SLC39A11: variants seen among roughly 807,000 people sequenced by gnomAD.
SLC39A11 encodes the protein solute carrier family 39 member 11, also known as zinc transporter ZIP11.
SLC39A11 carries 33 observed loss-of-function variants against 36.1 expected under a neutral mutation model. The ratio of observed to expected loss-of-function variants is 0.91; its 90% confidence interval spans 0.69 to 1.22. The LOEUF is 1.22. SLC39A11 is among the 50% of genes most tolerant of loss of function. SLC39A11 has a pLI of 0.00. For synonymous variants in SLC39A11, 166 were observed against 170.3 expected (o/e 0.97, Z 0.20); for missense variants, 432 against 430.3 (o/e 1.00, Z -0.03).
At chr17:72,845,397 A>G (rs991418132) in intron 6 of SLC39A11, among the ~76,000 whole-genome samples, 10 of 152,284 alleles carry the variant, frequency 6.6e-5, no homozygotes, top group African/African-American at 2.2e-4. Context: ...CTCCTGCCTC[A>G]GGGCCTTTGC....
At chr17:72,693,941 G>T (rs994168127) in intron 7 of SLC39A11, among the ~76,000 whole-genome samples, 1 of 152,090 alleles carries the variant, frequency 6.6e-6, no homozygotes, top group African/African-American at 2.4e-5. Flanking sequence ...GGACCACAGG[G>T]GTGAGCCACC....
At chr17:72,693,982 G>A (rs1014091089) in intron 7 of SLC39A11, among the ~76,000 whole-genome samples, 1 of 152,038 alleles carries the variant, frequency 6.6e-6, no homozygotes, top group Non-Finnish European at 1.5e-5. Context: ...TATAGAAAAA[G>A]CACCCACCTC....
chr17:72,729,451 A>AT (rs2074119588), intron 7 of SLC39A11, among the ~76,000 whole-genome samples: 2 of 6,450 alleles, frequency 3.1e-4, no homozygotes, highest in African/African-American at 4.7e-4. Flanking sequence ...ATATATATAT[A>AT]TATATATTTT....
intron 7 of SLC39A11, among the ~76,000 whole-genome samples, chr17:72,722,071 T>C (rs2073704912): frequency 1.8e-5 from 2 of 108,572 alleles, no homozygotes; most frequent in Non-Finnish European, 4.0e-5. Context: ...TTCCATGAAG[T>C]AGCCAAAGAA....
In SLC39A11 at chr17:72,930,943, G is replaced by A. The variant is rs117698233; in HGVS notation, c.430+16809C>T. Among the ~76,000 whole-genome samples, 1,220 of 152,264 alleles carry A rather than the reference G, an allele frequency of 8.0e-3. 10 individuals carry two copies. The highest frequency in any genetic ancestry group is 0.011 in the Non-Finnish European group (754 of 68,022). ...GTCTCCATACAAAGAAAGAAGACAG[G>A]GCCCCAGAAGAGCTCTTCCAATTCC... On this transcript the variant is annotated intron_variant, in intron 5 of 9. Coordinates refer to ENST00000255559, the MANE Select transcript of SLC39A11 (RefSeq NM_139177.4).
chr17:72,769,608 G>A (rs772900917), intron 6 of SLC39A11, among the ~76,000 whole-genome samples: 11 of 151,434 alleles, frequency 7.3e-5, no homozygotes, highest in Non-Finnish European at 1.2e-4. Context: ...GGAGTGGCCC[G>A]ATCTCGGCTC....
chr17:72,846,327 G>GTT (rs2079054295), intron 6 of SLC39A11, among the ~76,000 whole-genome samples: 1 of 152,048 alleles, frequency 6.6e-6, no homozygotes, highest in South Asian at 2.1e-4. Flanking sequence ...ACTGCACCTG[G>GTT]CCTCAATCCT....
At chr17:72,985,393 T>C (rs992875600) in intron 4 of SLC39A11, among the ~76,000 whole-genome samples, 2 of 144,508 alleles carry the variant, frequency 1.4e-5, no homozygotes, top group African/African-American at 5.1e-5. Flanking sequence ...CTTCTTTATT[T>C]GCATGGGGCC....
intron 6 of SLC39A11, among the ~76,000 whole-genome samples, chr17:72,848,726 A>AAAG (rs2079163400): frequency 6.6e-6 from 1 of 152,084 alleles, no homozygotes; most frequent in African/African-American, 2.4e-5. Flanking sequence ...GTCTTAAAAA[A>AAAG]AAAAAAAGAC....
chr17:73,024,864 ATTTT>A (rs1163840820), intron 4 of SLC39A11, among the ~76,000 whole-genome samples: 13 of 97,900 alleles, frequency 1.3e-4, no homozygotes, highest in Admixed American at 6.8e-4. Context: ...TGCCCAGCTA[ATTTT>A]TTTTTTTTTT....
intron 6 of SLC39A11, among the ~76,000 whole-genome samples, chr17:72,818,295 G>A (rs2077649816): frequency 6.6e-6 from 1 of 152,188 alleles, no homozygotes; most frequent in Non-Finnish European, 1.5e-5. Flanking sequence ...CCAGCCTGCT[G>A]AGGTTCTTGT....
chr17:72,924,811 G>A (rs969017073), intron 5 of SLC39A11, among the ~76,000 whole-genome samples: 4 of 152,034 alleles, frequency 2.6e-5, no homozygotes, highest in Admixed American at 2.0e-4. Flanking sequence ...AGACCAGCCT[G>A]GCCAACATAG....
chr17:72,754,683 C>T (rs1035037412), intron 6 of SLC39A11, among the ~76,000 whole-genome samples: 7 of 152,156 alleles, frequency 4.6e-5, no homozygotes, highest in African/African-American at 1.7e-4. Flanking sequence ...GCCGGGGTGA[C>T]ACATGCCAGG....
chr17:72,668,375 T>G (rs2070851466), intron 7 of SLC39A11, among the ~76,000 whole-genome samples: 1 of 151,426 alleles, frequency 6.6e-6, no homozygotes, highest in South Asian at 2.1e-4. Context: ...CCCCAGGAAA[T>G]ATTCCCAAGG....
At chr17:72,709,693 T>C (rs778188409) in intron 7 of SLC39A11, among the ~76,000 whole-genome samples, 1 of 152,252 alleles carries the variant, frequency 6.6e-6, no homozygotes, top group Non-Finnish European at 1.5e-5. Context: ...TTTCAGTTCA[T>C]GAAGCTGAAG....
At chr17:73,030,169 A>C (rs2058694285) in intron 4 of SLC39A11, among the ~76,000 whole-genome samples, 1 of 152,228 alleles carries the variant, frequency 6.6e-6, no homozygotes, top group South Asian at 2.1e-4. Flanking sequence ...GGAGCTCAGA[A>C]GATAAAGCTC....
intron 6 of SLC39A11, among the ~76,000 whole-genome samples, chr17:72,817,083 A>G (rs981105248): frequency 5.5e-5 from 7 of 127,418 alleles, no homozygotes; most frequent in African/African-American, 2.1e-4. Flanking sequence ...GTCTCAGTCC[A>G]TTTGTGTTGA....
At chr17:72,910,714 G>A (rs2082938193) in intron 5 of SLC39A11, among the ~76,000 whole-genome samples, 1 of 149,896 alleles carries the variant, frequency 6.7e-6, no homozygotes, top group Non-Finnish European at 1.5e-5. Flanking sequence ...ATCACTTCAG[G>A]CCAGGAGTTC....
chr17:72,983,669 G>C (rs1278361523), intron 4 of SLC39A11, among the ~76,000 whole-genome samples: 1 of 152,214 alleles, frequency 6.6e-6, no homozygotes, highest in Non-Finnish European at 1.5e-5. Context: ...GTAACCAGAA[G>C]ACAGAGGTGA....
Sources: gnomAD v4.1 joint callset for allele counts (sites outside exome capture counted in the v4.1 genomes callset) on GRCh38, gnomAD v4.1.1 for gene constraint, MANE v1.5 for transcripts, NCBI Gene and HGNC (gene_info 2026-07-23, HGNC 2026-07-21) for gene names.